The following GHR variants were observed in gnomAD, a reference collection of about 807,000 sequenced individuals.
The protein encoded by GHR is GH receptor.
A neutral mutation model predicts 67.1 loss-of-function variants in GHR; 35 were observed. The ratio of observed to expected loss-of-function variants is 0.52; its 90% CI spans 0.40 to 0.69. The LOEUF is 0.69. Among genes scored for constraint, GHR ranks in the 30% least tolerant of loss-of-function variants. The probability of loss-of-function intolerance (pLI) is 0.00; values close to 1 mark genes in which losing one functional copy is unlikely to be tolerated. For missense variants in GHR, 792 were observed against 764.6 expected (o/e 1.04, Z -0.42); for synonymous variants, 272 against 269.1 (o/e 1.01, Z -0.10).
intron 2 of GHR, among the ~76,000 whole-genome samples, chr5:42,571,033 G>A (rs1750276003): frequency 3.3e-5 from 5 of 152,080 alleles, no homozygotes; most frequent in Admixed American, 3.3e-4. Context: ...TTTTTGACTC[G>A]GGGAACTATC....
chr5:42,498,113 C>G (rs1467814114), intron 1 of GHR, among the ~76,000 whole-genome samples: 1 of 152,192 alleles, frequency 6.6e-6, no homozygotes, highest in Non-Finnish European at 1.5e-5. Flanking sequence ...GCCACACCTT[C>G]TCTGTGCCTC....
At chr5:42,510,048 G>A (rs918548523) in intron 1 of GHR, among the ~76,000 whole-genome samples, 4 of 151,988 alleles carry the variant, frequency 2.6e-5, no homozygotes, top group African/African-American at 7.3e-5. Context: ...GTACTGAATC[G>A]ATCACCCCCC....
intron 1 of GHR, among the ~76,000 whole-genome samples, chr5:42,482,416 A>G (rs1310772112): frequency 6.6e-6 from 1 of 152,176 alleles, no homozygotes; most frequent in African/African-American, 2.4e-5. Context: ...GCTGTCAGAC[A>G]GGTACATTTA....
chr5:42,645,762 CA>C (rs1157773926), intron 3 of GHR, among the ~76,000 whole-genome samples: 1 of 152,198 alleles, frequency 6.6e-6, no homozygotes, highest in Non-Finnish European at 1.5e-5. Flanking sequence ...CTCATATAAA[CA>C]AGATGAAATC....
At chr5:42,619,140 T>C (rs1271552783) in intron 2 of GHR, among the ~76,000 whole-genome samples, 1 of 152,060 alleles carries the variant, frequency 6.6e-6, no homozygotes, top group Non-Finnish European at 1.5e-5. Flanking sequence ...GTGGAAAAGA[T>C]ACATCATAAG....
chr5:42,451,769 A>T (rs1744062623), intron 1 of GHR, among the ~76,000 whole-genome samples: 2 of 150,140 alleles, frequency 1.3e-5, no homozygotes, highest in Admixed American at 1.3e-4. Context: ...ATCTTTTTCC[A>T]CTTCTTTACC....
intron 2 of GHR, among the ~76,000 whole-genome samples, chr5:42,567,736 C>G (rs917722051): frequency 1.3e-5 from 2 of 150,738 alleles, no homozygotes; most frequent in African/African-American, 4.9e-5. Context: ...CATATGTAAG[C>G]ACGTTCCAGT....
chr5:42,645,418 C>T (rs1754680650), intron 3 of GHR, among the ~76,000 whole-genome samples: 1 of 152,160 alleles, frequency 6.6e-6, no homozygotes, highest in Admixed American at 6.5e-5. Flanking sequence ...ATTCTATCCC[C>T]TTTCATCACT....
chr5:42,523,345 A>G (rs899529417), intron 1 of GHR, among the ~76,000 whole-genome samples: 1 of 152,292 alleles, frequency 6.6e-6, no homozygotes, highest in African/African-American at 2.4e-5. Flanking sequence ...TACAAATTGA[A>G]GGTTTGTTGC....
intron 2 of GHR, among the ~76,000 whole-genome samples, chr5:42,604,401 C>T (rs1580036923): frequency 6.6e-6 from 1 of 152,240 alleles, no homozygotes; most frequent in East Asian, 1.9e-4. Context: ...AGCATTCTTT[C>T]CTCCAGGGAA....
At chr5:42,482,758 T>A (rs1237993554) in intron 1 of GHR, among the ~76,000 whole-genome samples, 3 of 152,154 alleles carry the variant, frequency 2.0e-5, no homozygotes, top group African/African-American at 7.2e-5. Context: ...GGGAGTGACC[T>A]GATTTTCCAG....
intron 2 of GHR, among the ~76,000 whole-genome samples, chr5:42,580,044 C>G (rs920712492): frequency 5.3e-5 from 8 of 151,886 alleles, no homozygotes; most frequent in African/African-American, 1.9e-4. Context: ...ACAAACATAC[C>G]ATATATAGGC....
intron 1 of GHR, among the ~76,000 whole-genome samples, chr5:42,481,615 C>T (rs996809960): frequency 5.3e-5 from 8 of 152,194 alleles, no homozygotes; most frequent in African/African-American, 1.9e-4. Flanking sequence ...CTAAACTTCT[C>T]TTCTCGCTTC....
intron 1 of GHR, among the ~76,000 whole-genome samples, chr5:42,513,731 A>G (rs2112274247): frequency 6.6e-6 from 1 of 152,170 alleles, no homozygotes; most frequent in Non-Finnish European, 1.5e-5. Flanking sequence ...GTGGTGAGCC[A>G]AGATCGCGCC....
At chr5:42,520,767 ACTCTC>A (rs1202642789) in intron 1 of GHR, among the ~76,000 whole-genome samples, 12 of 151,274 alleles carry the variant, frequency 7.9e-5, no homozygotes, top group Middle Eastern at 3.4e-3. Context: ...AGCCACTTCA[ACTCTC>A]CTCCTAGTCC....
intron 2 of GHR, among the ~76,000 whole-genome samples, chr5:42,612,406 T>C (rs1752934543): frequency 6.6e-6 from 1 of 152,122 alleles, no homozygotes; most frequent in East Asian, 1.9e-4. Context: ...GAAGAAAATC[T>C]GGCTGAATAG....
In GHR at chr5:42,423,562, AC is replaced by A. The variant is rs1410661691; in HGVS notation, c.-404del. 6.6e-6 allele frequency among the ~76,000 whole-genome samples: 1 copy of A among 151,980 alleles called. No homozygotes were observed. The highest frequency in any genetic ancestry group is 1.5e-5 in the Non-Finnish European group (1 of 68,008). On this transcript the variant is annotated 5_prime_UTR_variant, in exon 1 of 10. The change abolishes the stop of an existing upstream ORF in the 5' untranslated region. Transcript: ENST00000230882. ...GCAGTTCTCGAACTGGCCTCCTTGA[AC>A]GTCCGCTTCGCCTTCGCTTCTGCAA... is the stretch of plus-strand genomic sequence containing the variant.
chr5:42,485,427 T>C (rs1235185568), intron 1 of GHR, among the ~76,000 whole-genome samples: 1 of 152,220 alleles, frequency 6.6e-6, no homozygotes, highest in African/African-American at 2.4e-5. Flanking sequence ...GCTGTAGTTA[T>C]TTATGTACTT....
At chr5:42,688,829 T>C in intron 3 of GHR, 61 bp from the exon 4 acceptor site, 1 of 1,485,462 alleles carries the variant, frequency 6.7e-7, no homozygotes, top group South Asian at 1.1e-5. Context: ...GATACGTGTC[T>C]CATTAGGATC....
Sources: gnomAD v4.1 joint callset for allele counts (sites outside exome capture counted in the v4.1 genomes callset) on GRCh38, gnomAD v4.1.1 for gene constraint, MANE v1.5 for transcripts, NCBI Gene and HGNC (gene_info 2026-07-23, HGNC 2026-07-21) for gene names.